Variants in SLC7A2 observed in about 807,000 individuals in gnomAD.
The protein encoded by SLC7A2 is cationic amino acid transporter 2.
Under a neutral mutation model 58.9 loss-of-function variants are expected in SLC7A2, and 48 were observed. That is an observed-to-expected ratio of 0.82 (90% CI 0.65 to 1.04). SLC7A2 has a LOEUF of 1.04. Among genes scored for constraint, SLC7A2 ranks in the 50% least tolerant of loss-of-function variants. The probability of loss-of-function intolerance (pLI) is 0.00; values close to 1 mark genes in which losing one functional copy is unlikely to be tolerated. For missense variants in SLC7A2, 1,029 were observed against 818.8 expected, an observed-to-expected ratio of 1.26 and a Z score of -3.13; for synonymous variants, 363 against 314.5, an observed-to-expected ratio of 1.15 and a Z score of -1.63.
intron 2 of SLC7A2, among the ~76,000 whole-genome samples, chr8:17,507,201 C>T (rs1252405318): frequency 6.6e-6 from 1 of 152,030 alleles, no homozygotes; most frequent in Non-Finnish European, 1.5e-5. Context: ...CGCTTCGGCC[C>T]CACAAAGTGC....
intron 4 of SLC7A2, among the ~76,000 whole-genome samples, chr8:17,545,501 G>T (rs139802876): frequency 6.8e-6 from 1 of 146,562 alleles, no homozygotes; most frequent in Admixed American, 6.9e-5. Flanking sequence ...GGGTGCAAGC[G>T]ATTCTTCTGC....
At position 17,565,101 on chromosome 8, in the gene SLC7A2, T is replaced by C. The variant is rs950210344; in HGVS notation, c.1932T>C (p.Asn644=). 9.3e-6 allele frequency: 15 copies of C among 1,613,636 alleles called. No individual in the cohort carries two copies. In the African/African-American group the frequency reaches 9.4e-5, roughly 10 times the overall value. Residue 644 remains asparagine, a synonymous_variant, in exon 13 of 13, where the codon AAT becomes AAC. Transcript: ENST00000494857. The part of the protein sequence containing the change: ...AIQANDHHPR[N]LSSPFIFHEK... Reference sequence around the variant, plus strand: ...AAGCAAATGACCATCACCCAAGAAATCTCAGTTCACCTTTCATATTCCATG... The same window carrying C: ...AAGCAAATGACCATCACCCAAGAAACCTCAGTTCACCTTTCATATTCCATG...
At chr8:17,546,815 G>A (rs1802194085) in intron 4 of SLC7A2, among the ~76,000 whole-genome samples, 1 of 152,120 alleles carries the variant, frequency 6.6e-6, no homozygotes, top group Non-Finnish European at 1.5e-5. Context: ...TCTTTTCACA[G>A]CAATCATTTG....
chr8:17,541,188 A>T (rs1801897483), intron 2 of SLC7A2, among the ~76,000 whole-genome samples: 1 of 152,192 alleles, frequency 6.6e-6, no homozygotes, highest in Non-Finnish European at 1.5e-5. Context: ...AGCATTTAGT[A>T]ACTACCTTTC....
At chr8:17,539,754 A>G (rs540045017) in intron 2 of SLC7A2, among the ~76,000 whole-genome samples, 2 of 152,308 alleles carry the variant, frequency 1.3e-5, no homozygotes, top group South Asian at 2.1e-4. Context: ...ACAATGGTGC[A>G]GATCATCTGC....
rs79551557 is a variant in SLC7A2 at position 17,531,529 on chromosome 8, T to C, written c.-22-11789T>C. ...TATGAATTATATTCTTTGTAAAACC[T>C]ACTTTTCACACTTTATTTAAATATT... On this transcript the variant is annotated intron_variant, in intron 2 of 12. Transcript: ENST00000494857. 1.8e-3 allele frequency among the ~76,000 whole-genome samples: 267 copies of C among 152,276 alleles called. 2 individuals carry two copies. The highest frequency in any genetic ancestry group is 6.1e-3 in the African/African-American group (255 of 41,568).
chr8:17,557,355 G>C (rs1802755485), intron 8 of SLC7A2, among the ~76,000 whole-genome samples: 1 of 152,092 alleles, frequency 6.6e-6, no homozygotes, highest in African/African-American at 2.4e-5. Flanking sequence ...CTATTTAACT[G>C]TTTAAAGTAT....
chr8:17,561,508 A>C (rs148682760), intron 10 of SLC7A2, among the ~76,000 whole-genome samples: 1 of 152,166 alleles, frequency 6.6e-6, no homozygotes, highest in African/African-American at 2.4e-5. Flanking sequence ...GGGAGCCACA[A>C]TTCAAAATGA....
At chr8:17,562,399 T>C (rs1803059596) in intron 11 of SLC7A2, among the ~76,000 whole-genome samples, 2 of 151,930 alleles carry the variant, frequency 1.3e-5, no homozygotes, top group South Asian at 4.2e-4. Context: ...GACATGGGAT[T>C]TCACCATGTT....
At chr8:17,547,785 AGT>A (rs35052068) in intron 4 of SLC7A2, among the ~76,000 whole-genome samples, 13,413 of 144,686 alleles carry the variant, frequency 0.093, 720 homozygotes, top group East Asian at 0.27. Flanking sequence ...GGCACAAAAG[AGT>A]GTGTGTGTGT....
chr8:17,495,044 C>G (rs2150624625), upstream of SLC7A2, among the ~76,000 whole-genome samples: 1 of 152,294 alleles, frequency 6.6e-6, no homozygotes, highest in Non-Finnish European at 1.5e-5. Flanking sequence ...AACTTAATCA[C>G]AAATTAAACA....
intron 5 of SLC7A2, among the ~76,000 whole-genome samples, chr8:17,549,905 A>T (rs959996786): frequency 6.6e-6 from 1 of 152,346 alleles, no homozygotes; most frequent in Middle Eastern, 3.4e-3. Context: ...ACTCTGCCTT[A>T]CTCGATGCTT....
At chr8:17,538,132 C>G (rs78826769) in intron 2 of SLC7A2, among the ~76,000 whole-genome samples, 2,335 of 152,234 alleles carry the variant, frequency 0.015, 49 homozygotes, top group South Asian at 0.1. Context: ...GATTCTATAT[C>G]AGAAAATTTG....
intron 2 of SLC7A2, among the ~76,000 whole-genome samples, chr8:17,539,205 A>C (rs774373270): frequency 6.6e-6 from 1 of 152,186 alleles, no homozygotes; most frequent in Non-Finnish European, 1.5e-5. Context: ...GCCTGGGCTG[A>C]AGAAGTTTTA....
Position 17,565,610 on chromosome 8 carries a change from A to C in SLC7A2, c.*464A>C, listed in dbSNP as rs1803232754. ...TAGTAGCTTTACCTTGTTTGACTTCATTAATGTCAGTTTAGGGGATGCCAA... is the reference window on the plus strand; with the variant it reads ...TAGTAGCTTTACCTTGTTTGACTTCCTTAATGTCAGTTTAGGGGATGCCAA... On this transcript the variant is annotated 3_prime_UTR_variant, in exon 13 of 13. Transcript: ENST00000494857. The C allele has an allele frequency of 1.3e-5, 2 of 153,708 alleles. No homozygotes were observed. Among genetic ancestry groups the C allele is most frequent in the Admixed American group, 1.3e-4 (2 of 15,580 alleles). The allele number at this position is 153,708 out of a possible 1,614,324, so 9.5% of individuals were successfully genotyped here. A position where few individuals can be genotyped will look rare whatever the true frequency, so the allele number is the denominator to read the frequency against.
chr8:17,560,334 G>A lies in SLC7A2; in HGVS notation c.1305G>A (p.Gln435=). ...GATGTTTGTTTGGAAATAGGTACCA[G>A]CCTGGCTTATCTTACGACCAGCCCA... ...VAACVLILRY[Q]PGLSYDQPKC... Residue 435 remains glutamine (Q), a synonymous_variant, in exon 10 of 13, where the codon CAG becomes CAA. Coordinates refer to ENST00000494857, the MANE Select transcript of SLC7A2 (RefSeq NM_001370338.1). 6.2e-7 allele frequency: 1 copy of A among 1,613,374 alleles called. No individual in the cohort carries two copies. Among genetic ancestry groups the A allele is most frequent in the Non-Finnish European group, 8.5e-7 (1 of 1,179,346 alleles).
rs574481735 is a variant in SLC7A2, at chr8:17,537,905, A to G, written c.-22-5413A>G. Among the ~76,000 whole-genome samples the G allele has an allele frequency of 3.3e-5, 5 of 152,228 alleles. No homozygotes were observed. The East Asian group carries it at 9.7e-4, about 29-fold the overall frequency. ...TCAAGTTTTGCTTCTTCTGTTCCCC[A>G]AGCCTAAACACAAAAGTTGGATGCT... is the stretch of plus-strand genomic sequence containing the variant. On this transcript the variant is annotated intron_variant, in intron 2 of 12. Transcript: ENST00000494857.
Position 17,563,651 on chromosome 8 carries a change from T to C in SLC7A2, c.1720T>C (p.Tyr574His), listed in dbSNP as rs774215449. The C allele has an allele frequency of 1.2e-6, 2 of 1,613,882 alleles. No individual in the cohort carries two copies. The highest frequency in any genetic ancestry group is 1.1e-5 in the South Asian group (1 of 91,040). The change falls in exon 12 of 13, where the codon TAC (tyrosine) becomes CAC (histidine). Residue 574 changes from tyrosine to histidine, a missense_variant. By Grantham distance (83) the Tyr-to-His change is moderately conservative. Transcript: ENST00000494857. ...LPAFSILVNI[Y>H]LMVQLSADTW... The stretch of plus-strand genomic sequence containing the variant: ...AGCGTTCAGCATCTTGGTGAACATT[T>C]ACTTGATGGTCCAGTTAAGTGCAGA...
chr8:17,545,459 G>T (rs1802123357), intron 4 of SLC7A2, among the ~76,000 whole-genome samples: 1 of 133,196 alleles, frequency 7.5e-6, no homozygotes, highest in Non-Finnish European at 1.5e-5. Flanking sequence ...CGCCCAGGCT[G>T]GAGTACAGTG....
Sources: allele counts gnomAD v4.1 joint callset (sites outside exome capture counted in the v4.1 genomes callset), GRCh38; gene constraint gnomAD v4.1.1; transcripts MANE v1.5; gene names NCBI Gene and HGNC (gene_info 2026-07-23, HGNC 2026-07-21).